Variants in SLC6A11 observed in about 807,000 individuals in gnomAD.
SLC6A11 encodes sodium- and chloride-dependent GABA transporter 3.
SLC6A11 carries 25 observed loss-of-function variants against 74.8 expected under a neutral mutation model. The ratio of observed to expected loss-of-function variants is 0.33; its 90% CI spans 0.24 to 0.47. SLC6A11 has a LOEUF of 0.47. SLC6A11 is among the 20% of genes least tolerant of loss of function. The probability of loss-of-function intolerance (pLI) is 1.00; values close to 1 mark genes in which losing one functional copy is unlikely to be tolerated. For missense variants in SLC6A11, 574 were observed against 837.0 expected (o/e 0.69, Z 3.88); for synonymous variants, 330 against 330.2 (o/e 1.00, Z 0.01).
intron 9 of SLC6A11, 63 bp from the exon 10 acceptor site, chr3:10,929,139 G>C: frequency 1.3e-6 from 2 of 1,585,894 alleles, no homozygotes; most frequent in Non-Finnish European, 1.7e-6. Context: ...CGCTTGCCCA[G>C]AGCCTGGGCC....
At chr3:10,845,171 G>T (rs1694487794) in intron 5 of SLC6A11, among the ~76,000 whole-genome samples, 2 of 152,172 alleles carry the variant, frequency 1.3e-5, no homozygotes. Context: ...ATTTCATGTG[G>T]TAAAAAGAAA....
chr3:10,847,479 T>C (rs1321245038), intron 5 of SLC6A11, among the ~76,000 whole-genome samples: 1 of 152,140 alleles, frequency 6.6e-6, no homozygotes, highest in Non-Finnish European at 1.5e-5. Context: ...CCAGCATTAG[T>C]GTCTTGGATG....
At chr3:10,860,268 A>G (rs1247323272) in intron 5 of SLC6A11, among the ~76,000 whole-genome samples, 1 of 152,242 alleles carries the variant, frequency 6.6e-6, no homozygotes, top group Non-Finnish European at 1.5e-5. Flanking sequence ...AGCTATAGTG[A>G]TGAAACAGGA....
At chr3:10,822,214 A>G (rs1694147513) in intron 3 of SLC6A11, among the ~76,000 whole-genome samples, 2 of 152,226 alleles carry the variant, frequency 1.3e-5, no homozygotes, top group African/African-American at 4.8e-5. Context: ...AAGACATGCA[A>G]GAGTGAAGCC....
intron 5 of SLC6A11, among the ~76,000 whole-genome samples, chr3:10,847,590 G>A (rs1559558969): frequency 6.6e-6 from 1 of 152,198 alleles, no homozygotes; most frequent in Non-Finnish European, 1.5e-5. Flanking sequence ...GAGTGGAAGA[G>A]CCTTGCCCGA....
intron 5 of SLC6A11, among the ~76,000 whole-genome samples, chr3:10,858,345 T>G (rs1694662651): frequency 6.6e-6 from 1 of 152,194 alleles, no homozygotes; most frequent in African/African-American, 2.4e-5. Context: ...CTCGAATAAT[T>G]ATAAACAGCT....
intron 4 of SLC6A11, chr3:10,824,309 T>G (rs964704409): frequency 6.6e-6 from 1 of 152,216 alleles, no homozygotes. Context: ...TTTCTGAAGC[T>G]TTTCAATCTA....
rs186510007 is a variant in SLC6A11 at position 10,872,969 on chromosome 3, C to T, written c.757-1992C>T. Among the ~76,000 whole-genome samples, 83 of 152,254 alleles carry T rather than the reference C, an allele frequency of 5.5e-4. 1 individual carries two copies. The highest frequency in any genetic ancestry group is 2.1e-3 in the South Asian group (10 of 4,822). On this transcript the variant is annotated intron_variant, in intron 5 of 13. Transcript: ENST00000254488. ...TTGACAAGTTGCTGATCTGAACAGA[C>T]GGAGGAGGCAGGCCCCACTGAGAGG...
At chr3:10,843,837 C>G (rs1255225683) in intron 4 of SLC6A11, among the ~76,000 whole-genome samples, 1 of 152,210 alleles carries the variant, frequency 6.6e-6, no homozygotes, top group African/African-American at 2.4e-5. Flanking sequence ...CAATGGCCCC[C>G]CTCAAGTTTG....
chr3:10,851,372 C>G (rs1296491631), intron 5 of SLC6A11, among the ~76,000 whole-genome samples: 2 of 150,186 alleles, frequency 1.3e-5, no homozygotes, highest in Non-Finnish European at 3.0e-5. Flanking sequence ...TGTTTTTATT[C>G]TTTTCAAAGC....
At chr3:10,879,126 T>C (rs868259759) in intron 6 of SLC6A11, among the ~76,000 whole-genome samples, 1 of 152,158 alleles carries the variant, frequency 6.6e-6, no homozygotes, top group Non-Finnish European at 1.5e-5. Flanking sequence ...CTATTTTCAT[T>C]TTTCACAAGA....
chr3:10,864,700 T>C lies in SLC6A11; in HGVS notation c.757-10261T>C, dbSNP rs559947041. On this transcript the variant is annotated intron_variant, in intron 5 of 13. Transcript: ENST00000254488. Reference sequence around the variant, plus strand: ...TTTTTTCCCTTCCTTCTAGGCACTGTCTGCACCCTGGCCCATCAGCCGCCA... The same window carrying C: ...TTTTTTCCCTTCCTTCTAGGCACTGCCTGCACCCTGGCCCATCAGCCGCCA... Among the ~76,000 whole-genome samples, 14 of 152,286 alleles carry C rather than the reference T, an allele frequency of 9.2e-5. 2 individuals are homozygous for C. The South Asian group carries it at 2.9e-3, about 32-fold the overall frequency.
chr3:10,834,689 G>A (rs1431481409), intron 4 of SLC6A11, among the ~76,000 whole-genome samples: 1 of 152,196 alleles, frequency 6.6e-6, no homozygotes, highest in Non-Finnish European at 1.5e-5. Context: ...TGGAAGACAT[G>A]CAGGATGGGG....
In SLC6A11 at chr3:10,931,537, C is replaced by T. The variant is rs368408744; in HGVS notation, c.1372-1614C>T. On this transcript the variant is annotated intron_variant, in intron 10 of 13. Transcript: ENST00000254488. ...GGGAGAACCCAGGCCAGGCATGGCC[C>T]GCTGAGAGATCCATTTTGTTTCACC... Among the ~76,000 whole-genome samples the T allele has an allele frequency of 3.6e-4, 55 of 152,288 alleles. No homozygotes were observed. The South Asian group carries it at 0.011, about 30-fold the overall frequency.
chr3:10,920,350 C>T (rs747518559), intron 8 of SLC6A11, among the ~76,000 whole-genome samples: 4 of 152,130 alleles, frequency 2.6e-5, no homozygotes, highest in Non-Finnish European at 4.4e-5. Context: ...GGGGTTATCC[C>T]GCTAGGATTT....
At chr3:10,930,805 G>A (rs1257651349) in intron 10 of SLC6A11, among the ~76,000 whole-genome samples, 1 of 152,118 alleles carries the variant, frequency 6.6e-6, no homozygotes, top group African/African-American at 2.4e-5. Context: ...ACCTCTGACT[G>A]AGGCCTCACA....
chr3:10,832,271 G>C (rs1178942068), intron 4 of SLC6A11, among the ~76,000 whole-genome samples: 2 of 152,164 alleles, frequency 1.3e-5, no homozygotes, highest in African/African-American at 4.8e-5. Context: ...TTCTCTCAAG[G>C]AGAGGGCCAT....
chr3:10,861,251 T>C (rs1222364331), intron 5 of SLC6A11, among the ~76,000 whole-genome samples: 1 of 152,176 alleles, frequency 6.6e-6, no homozygotes, highest in Non-Finnish European at 1.5e-5. Flanking sequence ...CATGGTGGCT[T>C]AAGCCTGTAA....
intron 4 of SLC6A11, among the ~76,000 whole-genome samples, chr3:10,843,378 C>G (rs746691374): frequency 6.6e-6 from 1 of 152,182 alleles, no homozygotes; most frequent in Non-Finnish European, 1.5e-5. Flanking sequence ...TCCTTCTGAT[C>G]CCTGCCTCCC....
Sources: allele counts gnomAD v4.1 joint callset (sites outside exome capture counted in the v4.1 genomes callset), GRCh38; gene constraint gnomAD v4.1.1; transcripts MANE v1.5; gene names NCBI Gene and HGNC (gene_info 2026-07-23, HGNC 2026-07-21).